RABEP1: variants seen among roughly 807,000 people sequenced by gnomAD.
The protein encoded by RABEP1 is rabaptin, RAB GTPase binding effector protein 1, also known as rab GTPase-binding effector protein 1.
A neutral mutation model predicts 123.4 loss-of-function variants in RABEP1; 51 were observed. That is an observed-to-expected ratio of 0.41 (90% CI 0.33 to 0.52). The LOEUF is 0.52. Ranked by LOEUF, RABEP1 falls within the 20% of genes least tolerant of loss-of-function variation. RABEP1 has a pLI of 0.16. For synonymous variants in RABEP1, 347 were observed against 355.2 expected (o/e 0.98, Z 0.26); for missense variants, 888 against 996.3 (o/e 0.89, Z 1.46).
At position 5,380,520 on chromosome 17, in the gene RABEP1, A is replaced by G. The variant is rs568651601; in HGVS notation, c.2370+58A>G. The G allele has an allele frequency of 7.3e-4, 980 of 1,341,940 alleles. 5 individuals are homozygous for G. The highest frequency in any genetic ancestry group is 5.5e-3 in the Middle Eastern group (26 of 4,720). 83.1% of individuals were successfully genotyped at this position (1,341,940 alleles called of 1,614,324 possible). A position where few individuals can be genotyped will look rare whatever the true frequency, so the allele number is the denominator to read the frequency against. ...AGCAGGGCTAAGAATGCAGGATCACATCTTGCTTGTTGAAAAAAAAATATT... is the reference window on the plus strand; with the variant it reads ...AGCAGGGCTAAGAATGCAGGATCACGTCTTGCTTGTTGAAAAAAAAATATT... On this transcript the variant is annotated intron_variant, in intron 16 of 17. Coordinates refer to ENST00000537505, the MANE Select transcript of RABEP1 (RefSeq NM_004703.6).
intron 1 of RABEP1, among the ~76,000 whole-genome samples, chr17:5,302,318 G>C (rs533220178): frequency 1.0e-4 from 14 of 140,678 alleles, no homozygotes; most frequent in Non-Finnish European, 1.6e-4. Context: ...TCAGCTCACT[G>C]CAGCCTTGTC....
At position 5,338,016 on chromosome 17, in the gene RABEP1, T is replaced by C; in HGVS notation, c.529-3T>C. 6.2e-7 allele frequency: 1 copy of C among 1,605,550 alleles called. No individual in the cohort carries two copies. The highest frequency in any genetic ancestry group is 8.5e-7 in the Non-Finnish European group (1 of 1,177,212). ...CGTAGCATTTAATTCTTTTTAACCA[T>C]AGGCCCAAGAGGATGCTGAGAAACT... On this transcript the variant is annotated splice_region_variant and splice_polypyrimidine_tract_variant and intron_variant, in intron 4 of 17. Transcript: ENST00000537505.
intron 2 of RABEP1, among the ~76,000 whole-genome samples, chr17:5,309,607 T>A (rs980479838): frequency 2.7e-5 from 4 of 149,234 alleles, no homozygotes; most frequent in Non-Finnish European, 5.9e-5. Flanking sequence ...GAGCTGAGAT[T>A]GCGCCATTGC....
intron 4 of RABEP1, among the ~76,000 whole-genome samples, chr17:5,336,334 A>G (rs1379200262): frequency 6.6e-6 from 1 of 152,196 alleles, no homozygotes; most frequent in African/African-American, 2.4e-5. Flanking sequence ...TATATACTCC[A>G]TGCCTAGTTT....
intron 10 of RABEP1, 123 bp downstream of exon 10, chr17:5,363,139 T>C (rs1253512431): frequency 1.4e-6 from 1 of 716,664 alleles, no homozygotes; most frequent in Non-Finnish European, 2.4e-6. Context: ...CTTGTTAAGT[T>C]ATGAAATAAC....
At position 5,354,627 on chromosome 17, in the gene RABEP1, C is replaced by T. The variant is rs542251821; in HGVS notation, c.1095+137C>T. The T allele has an allele frequency of 3.2e-4, 232 of 723,624 alleles. 3 individuals are homozygous for T. The South Asian group carries it at 4.7e-3, about 15-fold the overall frequency. 44.8% of individuals were successfully genotyped at this position (723,624 alleles called of 1,614,324 possible). A position where few individuals can be genotyped will look rare whatever the true frequency, so the allele number is the denominator to read the frequency against. Reference sequence around the variant, plus strand: ...CGAGGTGAAAGTTAGATAAAAATGACAGTATTTTCAGTTGTTTTTATGGCA... The same window carrying T: ...CGAGGTGAAAGTTAGATAAAAATGATAGTATTTTCAGTTGTTTTTATGGCA... On this transcript the variant is annotated intron_variant, in intron 8 of 17. Transcript: ENST00000537505.
intron 1 of RABEP1, among the ~76,000 whole-genome samples, chr17:5,283,575 T>C (rs1483455349): frequency 6.6e-6 from 1 of 152,212 alleles, no homozygotes; most frequent in Non-Finnish European, 1.5e-5. Context: ...TCAGCGTGTG[T>C]GCTTAGCATC....
Position 5,295,896 on chromosome 17 carries a change from T to C in RABEP1, c.35-12798T>C, listed in dbSNP as rs553977019. On this transcript the variant is annotated intron_variant, in intron 1 of 17. Transcript: ENST00000537505. ...TCTGATTTCTTTTTGGGACTATTTA[T>C]TCCTTTAAATCTTCTACTGTTTTCT... Among the ~76,000 whole-genome samples the C allele has an allele frequency of 1.9e-3, 292 of 152,336 alleles. 1 individual carries two copies. Among genetic ancestry groups the C allele is most frequent in the Middle Eastern group, 0.014 (4 of 294 alleles).
intron 1 of RABEP1, among the ~76,000 whole-genome samples, chr17:5,303,379 T>C (rs1182679608): frequency 6.6e-6 from 1 of 152,154 alleles, no homozygotes; most frequent in East Asian, 1.9e-4. Flanking sequence ...GTAGCTGAGA[T>C]GACAGGCACG....
intron 7 of RABEP1, among the ~76,000 whole-genome samples, chr17:5,353,430 C>T (rs989243840): frequency 4.6e-5 from 7 of 152,198 alleles, no homozygotes; most frequent in Non-Finnish European, 8.8e-5. Context: ...GGCTGTTTTA[C>T]GTGACACTGA....
chr17:5,323,770 A>ATC lies in RABEP1; in HGVS notation c.164-8178_164-8177insCT, dbSNP rs1567522084. 2.2e-3 allele frequency among the ~76,000 whole-genome samples: 275 copies of ATC among 125,582 alleles called. 19 individuals are homozygous for ATC. The highest frequency in any genetic ancestry group is 3.2e-3 in the Non-Finnish European group (203 of 62,520). 82.4% of individuals were successfully genotyped at this position (125,582 alleles called of 152,430 possible). On this transcript the variant is annotated intron_variant, in intron 2 of 17. Coordinates refer to ENST00000537505, the MANE Select transcript of RABEP1 (RefSeq NM_004703.6). ...TATATATATCTAGGAATATATATAT[A>ATC]TATCTAGGAATATATATATATATCT...
chr17:5,318,679 T>C (rs2075321929), intron 2 of RABEP1, among the ~76,000 whole-genome samples: 1 of 152,314 alleles, frequency 6.6e-6, no homozygotes, highest in South Asian at 2.1e-4. Flanking sequence ...TTTCAGAAGA[T>C]AGAAACAGAG....
chr17:5,381,327 T>C (rs1011944075), intron 16 of RABEP1, 62 bp from the exon 17 acceptor site: 2 of 1,579,278 alleles, frequency 1.3e-6, no homozygotes, highest in Admixed American at 3.5e-5. Flanking sequence ...TACAAGTTAC[T>C]GGATTTCCTA....
intron 2 of RABEP1, among the ~76,000 whole-genome samples, chr17:5,331,002 C>T (rs968790687): frequency 1.4e-5 from 2 of 139,342 alleles, no homozygotes; most frequent in Non-Finnish European, 3.0e-5. Flanking sequence ...CCAGCCTGTG[C>T]GACAATTGAG....
In RABEP1 at chr17:5,385,419, T is replaced by C. The variant is rs1257795642; in HGVS notation, c.*2196T>C. ...ATTTACCTCTTACCTGTAACCTACC[T>C]TATCATGTGGCTTTTAATTGACAGT... On this transcript the variant is annotated 3_prime_UTR_variant, in exon 18 of 18. Transcript: ENST00000537505. 4.4e-6 allele frequency: 1 copy of C among 227,198 alleles called. No individual in the cohort carries two copies. The highest frequency in any genetic ancestry group is 1.9e-4 in the South Asian group (1 of 5,190). 14.1% of individuals were successfully genotyped at this position (227,198 alleles called of 1,614,324 possible).
chr17:5,378,090 T>G lies in RABEP1; in HGVS notation c.2216-87T>G, dbSNP rs1044482576. ...CATGTTCAGCATACATTTGAATCCT[T>G]TGGGGGGTGCTCTAAAATTTTAAAG... On this transcript the variant is annotated intron_variant, in intron 14 of 17. Coordinates refer to ENST00000537505, the MANE Select transcript of RABEP1 (RefSeq NM_004703.6). 14 of 1,000,540 alleles carry G rather than the reference T, an allele frequency of 1.4e-5. No individual in the cohort carries two copies. In the African/African-American group the frequency reaches 1.6e-4, roughly 12 times the overall value. The allele number at this position is 1,000,540 out of a possible 1,614,324, so 62.0% of individuals were successfully genotyped here.
rs934762482 is a variant in RABEP1 at position 5,383,492 on chromosome 17, A to C, written c.*269A>C. 4.9e-6 allele frequency: 2 copies of C among 405,942 alleles called. No homozygotes were observed. The highest frequency in any genetic ancestry group is 4.0e-5 in the African/African-American group (2 of 50,398). The allele number at this position is 405,942 out of a possible 1,614,324, so 25.1% of individuals were successfully genotyped here. ...TGGGATCAGATTTGGTGATGGAAAAAGCGCTGTTTCCTTGCCTGCTTTCTC... is the reference window on the plus strand; with the variant it reads ...TGGGATCAGATTTGGTGATGGAAAACGCGCTGTTTCCTTGCCTGCTTTCTC... On this transcript the variant is annotated 3_prime_UTR_variant, in exon 18 of 18. Coordinates refer to ENST00000537505, the MANE Select transcript of RABEP1 (RefSeq NM_004703.6).
At chr17:5,381,655 G>A (rs1181062675) in intron 17 of RABEP1, 150 bp downstream of exon 17, 10 of 1,342,620 alleles carry the variant, frequency 7.4e-6, no homozygotes, top group Non-Finnish European at 9.8e-6. Context: ...CATCATTCAA[G>A]CCAGAAACCT....
intron 11 of RABEP1, among the ~76,000 whole-genome samples, chr17:5,366,134 G>C (rs1020136722): frequency 6.6e-6 from 1 of 152,120 alleles, no homozygotes; most frequent in East Asian, 1.9e-4. Flanking sequence ...GTGGTTCCAA[G>C]GTGTGGAAAA....
Sources: allele counts gnomAD v4.1 joint callset (sites outside exome capture counted in the v4.1 genomes callset), GRCh38; gene constraint gnomAD v4.1.1; transcripts MANE v1.5; gene names NCBI Gene and HGNC (gene_info 2026-07-23, HGNC 2026-07-21).